Variants in GRID1 observed in about 807,000 individuals in gnomAD.
GRID1 encodes glutamate receptor ionotropic, delta-1.
A neutral mutation model predicts 98.0 loss-of-function variants in GRID1; 28 were observed. The observed-to-expected ratio is 0.29, with a 90% CI of 0.21 to 0.39. The LOEUF is 0.39. Ranked by LOEUF, GRID1 falls within the 10% of genes least tolerant of loss-of-function variation. GRID1 has a pLI of 1.00. For synonymous variants in GRID1, 553 were observed against 538.5 expected, an observed-to-expected ratio of 1.03 and a Z score of -0.37; for missense variants, 1,111 against 1,340.5, an observed-to-expected ratio of 0.83 and a Z score of 2.67.
chr10:86,018,013 A>G (rs1297509259), intron 4 of GRID1, among the ~76,000 whole-genome samples: 1 of 151,680 alleles, frequency 6.6e-6, no homozygotes, highest in East Asian at 1.9e-4. Context: ...CCTCACACAG[A>G]CTCTCCCAGG....
intron 8 of GRID1, among the ~76,000 whole-genome samples, chr10:85,799,319 T>C (rs1416848666): frequency 6.6e-6 from 1 of 152,132 alleles, no homozygotes; most frequent in African/African-American, 2.4e-5. Flanking sequence ...GCTTTTGCTA[T>C]CTGGGATCTT....
intron 4 of GRID1, among the ~76,000 whole-genome samples, chr10:85,959,957 T>C (rs531166048): frequency 2.0e-5 from 3 of 152,212 alleles, no homozygotes; most frequent in East Asian, 3.9e-4. Context: ...TCTCGGCTCA[T>C]TGTAACCTCC....
At chr10:86,269,835 G>A (rs1847159034) in intron 2 of GRID1, among the ~76,000 whole-genome samples, 2 of 152,122 alleles carry the variant, frequency 1.3e-5, no homozygotes, top group Non-Finnish European at 2.9e-5. Flanking sequence ...CCATCGCCTA[G>A]GTGTACTCCA....
chr10:86,282,204 G>T (rs1021289921), intron 2 of GRID1, among the ~76,000 whole-genome samples: 1 of 152,198 alleles, frequency 6.6e-6, no homozygotes, highest in Non-Finnish European at 1.5e-5. Context: ...GCATACAGCA[G>T]ATGTTCAAGC....
intron 8 of GRID1, among the ~76,000 whole-genome samples, chr10:85,820,059 CAGGCAGGCAGGA>C (rs1842752573): frequency 1.0e-5 from 1 of 100,410 alleles, no homozygotes; most frequent in Non-Finnish European, 1.9e-5. Flanking sequence ...GGCAGGCAGG[CAGGCAGGCAGGA>C]AGGCAGGTAG....
chr10:85,697,534 C>T (rs915971141), intron 12 of GRID1, among the ~76,000 whole-genome samples: 97 of 152,166 alleles, frequency 6.4e-4, no homozygotes, highest in Non-Finnish European at 1.1e-3. Flanking sequence ...GCATATTTTT[C>T]CCATTTTATA....
Position 85,724,563 on chromosome 10 carries a change from C to T in GRID1, c.1647G>A (p.Glu549=). The change falls in exon 11 of 16, where the codon GAG becomes GAA. Residue 549 remains glutamate, a synonymous_variant. Transcript: ENST00000327946. ...AGAGGGAGAAGATGCTGATTTTCTC[C>T]TCGGGCTTCTTAATTAGAATCCCCA... ...YSVGILIKKP[E]EKISIFSLFA... 2 of 1,613,620 alleles carry T rather than the reference C, an allele frequency of 1.2e-6. No individual in the cohort carries two copies. The highest frequency in any genetic ancestry group is 1.7e-6 in the Non-Finnish European group (2 of 1,180,000).
At chr10:86,265,643 G>A (rs1847092985) in intron 2 of GRID1, among the ~76,000 whole-genome samples, 1 of 152,226 alleles carries the variant, frequency 6.6e-6, no homozygotes, top group South Asian at 2.1e-4. Flanking sequence ...ATAGAGGTTG[G>A]AGGGAAGAGG....
rs548422658 is a variant in GRID1, at chr10:85,775,485, A to C, written c.1234-45871T>G. ...AAAATCTTAAAGTATAATAATAATA[A>C]AATAAAATTTAAAAAAAAGATGGCA... On this transcript the variant is annotated intron_variant, in intron 8 of 15. Coordinates refer to ENST00000327946, the MANE Select transcript of GRID1 (RefSeq NM_017551.3). Among the ~76,000 whole-genome samples, 94 of 150,660 alleles carry C rather than the reference A, an allele frequency of 6.2e-4. 1 individual carries two copies. The highest frequency in any genetic ancestry group is 3.4e-3 in the Middle Eastern group (1 of 294).
intron 4 of GRID1, among the ~76,000 whole-genome samples, chr10:86,113,034 C>T (rs907075500): frequency 1.3e-5 from 2 of 152,188 alleles, no homozygotes; most frequent in African/African-American, 4.8e-5. Flanking sequence ...GACCTTTAGC[C>T]TCCGATTTGT....
chr10:86,192,575 C>T lies in GRID1; in HGVS notation c.520+13789G>A, dbSNP rs577398542. On this transcript the variant is annotated intron_variant, in intron 3 of 15. Coordinates refer to ENST00000327946, the MANE Select transcript of GRID1 (RefSeq NM_017551.3). The surrounding 1 kb of genome is among the most constrained non-coding windows in gnomAD (Gnocchi z 4.8). ...TCTTTGTTGAATGAGTACAGAGTTT[C>T]GGTTTGGGAAGATGAGAACCTTCTG... 3.9e-5 allele frequency among the ~76,000 whole-genome samples: 6 copies of T among 152,052 alleles called. No homozygotes were observed. The South Asian group carries it at 6.2e-4, about 16-fold the overall frequency.
At chr10:85,776,730 C>A (rs941375170) in intron 8 of GRID1, among the ~76,000 whole-genome samples, 1 of 152,190 alleles carries the variant, frequency 6.6e-6, no homozygotes, top group Admixed American at 6.5e-5. Context: ...CCTCTGCCAA[C>A]GCAGAGGAGG....
At chr10:85,903,609 C>T (rs538807457) in intron 5 of GRID1, among the ~76,000 whole-genome samples, 3 of 152,270 alleles carry the variant, frequency 2.0e-5, no homozygotes, top group Admixed American at 1.3e-4. Context: ...GCTCAAAACC[C>T]TCCTCTTGCT....
chr10:86,279,528 G>A (rs1380099212), intron 2 of GRID1, among the ~76,000 whole-genome samples: 1 of 152,090 alleles, frequency 6.6e-6, no homozygotes, highest in Non-Finnish European at 1.5e-5. Context: ...CATTGAACAT[G>A]GTAAAGGCAT....
chr10:85,817,154 CAACA>C (rs1345221987), intron 8 of GRID1, among the ~76,000 whole-genome samples: 2 of 152,132 alleles, frequency 1.3e-5, no homozygotes, highest in Non-Finnish European at 2.9e-5. Context: ...AATGGTGCTG[CAACA>C]AACACACACA....
At chr10:85,978,175 C>A (rs745879425) in intron 4 of GRID1, among the ~76,000 whole-genome samples, 1 of 152,200 alleles carries the variant, frequency 6.6e-6, no homozygotes. Context: ...CCCTACCTAA[C>A]CTGTGATTTT....
intron 4 of GRID1, among the ~76,000 whole-genome samples, chr10:85,987,190 C>T (rs1842618491): frequency 6.6e-6 from 1 of 152,054 alleles, no homozygotes; most frequent in South Asian, 2.1e-4. Context: ...CAAAGCCTAC[C>T]CTGGATTGAG....
At chr10:85,961,361 C>A (rs1255279064) in intron 4 of GRID1, among the ~76,000 whole-genome samples, 1 of 152,080 alleles carries the variant, frequency 6.6e-6, no homozygotes, top group Non-Finnish European at 1.5e-5. Context: ...ATGAGCAGAT[C>A]CCCTGTAGAG....
intron 4 of GRID1, among the ~76,000 whole-genome samples, chr10:86,056,609 A>G (rs1843576081): frequency 6.6e-6 from 1 of 152,218 alleles, no homozygotes; most frequent in African/African-American, 2.4e-5. Flanking sequence ...GACAGATGGT[A>G]GGACCTGGGT....
Sources: gnomAD v4.1 joint callset for allele counts (sites outside exome capture counted in the v4.1 genomes callset) on GRCh38, gnomAD v4.1.1 for gene constraint, Gnocchi (gnomAD v3.1) non-coding constraint, MANE v1.5 for transcripts, NCBI Gene and HGNC (gene_info 2026-07-23, HGNC 2026-07-21) for gene names.